PDZD9: variants seen among roughly 807,000 people sequenced by gnomAD.
PDZD9 encodes the protein PDZ domain containing 9, also known as PDZ domain-containing protein 9.
Under a neutral mutation model 16.3 loss-of-function variants are expected in PDZD9, and 13 were observed. That is an observed-to-expected ratio of 0.80 (90% CI 0.52 to 1.27). The LOEUF (loss-of-function observed/expected upper bound fraction) is 1.27, where lower values mean the gene tolerates loss of function less well. Ranked by LOEUF, PDZD9 falls within the 50% of genes most tolerant of loss-of-function variation. The pLI, the probability that PDZD9 is intolerant of heterozygous loss-of-function variation, is 0.00. For synonymous variants in PDZD9, 120 were observed against 111.0 expected, an observed-to-expected ratio of 1.08 and a Z score of -0.51; for missense variants, 288 against 310.9, an observed-to-expected ratio of 0.93 and a Z score of 0.55.
the PDZD9 span, chr16:21,965,558 A>G: frequency 7.4e-7 from 1 of 1,357,308 alleles, no homozygotes; most frequent in Non-Finnish European, 9.9e-7. Context: ...TAAATTGAAC[A>G]TCTCCCATTT....
At chr16:21,968,823 G>A in the PDZD9 span, 6 of 584,652 alleles carry the variant, frequency 1.0e-5, no homozygotes, top group Non-Finnish European at 1.7e-5. Context: ...ATATATCATA[G>A]GATTTTAATT....
chr16:21,974,662 T>G, the PDZD9 span, among the ~76,000 whole-genome samples: 1 of 152,134 alleles, frequency 6.6e-6, no homozygotes, highest in Non-Finnish European at 1.5e-5. Flanking sequence ...TAGTGGAGCT[T>G]AGACATTCAA....
intron 3 of PDZD9, among the ~76,000 whole-genome samples, chr16:21,985,976 T>C (rs1786639660): frequency 1.3e-5 from 2 of 152,190 alleles, no homozygotes; most frequent in Admixed American, 6.5e-5. Context: ...ACTTTTTTTT[T>C]TCAGACTGCA....
At chr16:21,973,608 T>C in the PDZD9 span, among the ~76,000 whole-genome samples, 1 of 152,202 alleles carries the variant, frequency 6.6e-6, no homozygotes, top group Non-Finnish European at 1.5e-5. Flanking sequence ...TGCAGATTAG[T>C]GTTTGCATAA....
chr16:21,992,500 A>G (rs1567488084), intron 2 of PDZD9, among the ~76,000 whole-genome samples: 1 of 152,212 alleles, frequency 6.6e-6, no homozygotes, highest in Non-Finnish European at 1.5e-5. Context: ...CCAACCCTCA[A>G]TCTGGGTAGG....
the PDZD9 span, among the ~76,000 whole-genome samples, chr16:21,964,345 A>G: frequency 2.0e-5 from 3 of 151,938 alleles, no homozygotes; most frequent in Admixed American, 1.3e-4. Flanking sequence ...GGCTGGTGTC[A>G]GCCTCCAGGT....
downstream of PDZD9, chr16:21,980,351 T>A: frequency 9.8e-6 from 6 of 610,704 alleles, no homozygotes; most frequent in Non-Finnish European, 2.7e-6. Context: ...AAGAGACTTC[T>A]TCCCTTCAGA....
chr16:21,987,544 C>A (rs1898908519), intron 3 of PDZD9, among the ~76,000 whole-genome samples: 1 of 152,084 alleles, frequency 6.6e-6, no homozygotes, highest in Admixed American at 6.5e-5. Context: ...AGGAAATGGC[C>A]AGAGGTAACA....
At chr16:21,970,461 T>C in the PDZD9 span, among the ~76,000 whole-genome samples, 2 of 152,220 alleles carry the variant, frequency 1.3e-5, no homozygotes, top group Non-Finnish European at 2.9e-5. Flanking sequence ...TTATCGTCTG[T>C]CTTTCTGATT....
the PDZD9 span, chr16:21,973,984 G>A: frequency 6.2e-7 from 1 of 1,601,132 alleles, no homozygotes; most frequent in Admixed American, 1.8e-5. Flanking sequence ...GATGTAAGTT[G>A]CAAACTCACC....
the PDZD9 span, chr16:21,962,787 A>G: frequency 2.4e-5 from 39 of 1,614,084 alleles, no homozygotes; most frequent in Admixed American, 1.8e-4. Flanking sequence ...TTCCTGCTCA[A>G]TGTCACCACA....
intron 3 of PDZD9, among the ~76,000 whole-genome samples, chr16:21,986,513 T>C (rs4392055): frequency 0.67 from 102,564 of 152,036 alleles, 36,422 homozygotes; most frequent in Non-Finnish European, 0.79. Flanking sequence ...AGTCGCTGAG[T>C]AGGATTTGAT....
chr16:21,981,162 T>C (rs1426125683), downstream of PDZD9, among the ~76,000 whole-genome samples: 1 of 152,222 alleles, frequency 6.6e-6, no homozygotes, highest in Non-Finnish European at 1.5e-5. Flanking sequence ...ATCTAGCATC[T>C]TAAGATTTTC....
the PDZD9 span, among the ~76,000 whole-genome samples, chr16:21,957,964 A>T: frequency 4.3e-4 from 66 of 152,334 alleles, 2 homozygotes; most frequent in East Asian, 7.7e-3. Flanking sequence ...CCTGATAAGG[A>T]TACCAGTTAC....
intron 1 of PDZD9, among the ~76,000 whole-genome samples, chr16:21,998,595 G>A (rs1899209041): frequency 6.6e-6 from 1 of 151,950 alleles, no homozygotes; most frequent in Non-Finnish European, 1.5e-5. Context: ...GGGAGGCTGA[G>A]GCACGAGAAT....
At chr16:21,964,605 G>A in the PDZD9 span, among the ~76,000 whole-genome samples, 1 of 152,068 alleles carries the variant, frequency 6.6e-6, no homozygotes, top group Non-Finnish European at 1.5e-5. Context: ...CTAAAATGCT[G>A]TTCCCAAATG....
chr16:21,981,397 G>C (rs1004334387), downstream of PDZD9, among the ~76,000 whole-genome samples: 3 of 152,086 alleles, frequency 2.0e-5, no homozygotes, highest in South Asian at 4.1e-4. Context: ...TTCTACTGTA[G>C]ATGTCTCGGC....
the PDZD9 span, among the ~76,000 whole-genome samples, chr16:21,977,500 T>A: frequency 6.6e-6 from 1 of 152,174 alleles, no homozygotes. Flanking sequence ...TGATTTTGTT[T>A]TGTTTTATAA....
chr16:21,974,020 T>TC, the PDZD9 span: 4 of 1,489,654 alleles, frequency 2.7e-6, no homozygotes. Context: ...ACAAGTTATT[T>TC]CTCCCCCCCG....
Sources: allele counts gnomAD v4.1 joint callset (sites outside exome capture counted in the v4.1 genomes callset), GRCh38; gene constraint gnomAD v4.1.1; transcripts MANE v1.5; gene names NCBI Gene and HGNC (gene_info 2026-07-23, HGNC 2026-07-21).